KLRG1: variants seen among roughly 807,000 people sequenced by gnomAD.
KLRG1 encodes killer cell lectin like receptor G1, also known as killer cell lectin-like receptor subfamily G member 1.
KLRG1 carries 16 observed loss-of-function variants against 21.8 expected under a neutral mutation model. The ratio of observed to expected loss-of-function variants is 0.73; its 90% CI spans 0.50 to 1.11. The LOEUF is 1.11. Among genes scored for constraint, KLRG1 ranks in the 50% most tolerant of loss-of-function variants. The probability of loss-of-function intolerance (pLI) is 0.00; values close to 1 mark genes in which losing one functional copy is unlikely to be tolerated. For missense variants in KLRG1, 173 were observed against 218.3 expected (o/e 0.79, Z 1.31); for synonymous variants, 69 against 75.9 (o/e 0.91, Z 0.47).
At chr12:8,974,738 G>A (rs980853407) in intron 1 of KLRG1, among the ~76,000 whole-genome samples, 2 of 152,106 alleles carry the variant, frequency 1.3e-5, no homozygotes, top group African/African-American at 2.4e-5. Flanking sequence ...TGGTGCATGA[G>A]CCTTTTAATG....
At chr12:9,104,273 G>A in the KLRG1 span, 1 of 1,612,954 alleles carries the variant, frequency 6.2e-7, no homozygotes, top group Middle Eastern at 1.6e-4. Flanking sequence ...AACATTGGTG[G>A]TGTTGATAGA....
the KLRG1 span, among the ~76,000 whole-genome samples, chr12:9,062,700 TTATAA>T: frequency 2.7e-5 from 4 of 147,876 alleles, no homozygotes; most frequent in East Asian, 1.9e-4. Context: ...TATTGTACAT[TTATAA>T]TATATTTATT....
the KLRG1 span, chr12:9,162,772 T>C: frequency 1.4e-5 from 11 of 809,588 alleles, no homozygotes; most frequent in Non-Finnish European, 2.2e-5. Flanking sequence ...ACTCTTTTTT[T>C]CCCAACTTTT....
the KLRG1 span, chr12:9,074,598 T>A: frequency 1.2e-6 from 2 of 1,613,578 alleles, no homozygotes; most frequent in Non-Finnish European, 1.7e-6. Flanking sequence ...TTCTGCTGCT[T>A]CGTGATCCAC....
chr12:9,028,318 A>C, the KLRG1 span, among the ~76,000 whole-genome samples: 1 of 150,666 alleles, frequency 6.6e-6, no homozygotes, highest in Non-Finnish European at 1.5e-5. Context: ...GGCCTGGCTA[A>C]TTTTTGTGTT....
At chr12:9,020,337 G>A in the KLRG1 span, among the ~76,000 whole-genome samples, 1 of 152,144 alleles carries the variant, frequency 6.6e-6, no homozygotes, top group African/African-American at 2.4e-5. Context: ...ACCACAATCA[G>A]CAGAGTGAAT....
At chr12:8,967,989 A>T (rs749781354) in intron 1 of KLRG1, among the ~76,000 whole-genome samples, 3 of 151,978 alleles carry the variant, frequency 2.0e-5, no homozygotes, top group Admixed American at 2.0e-4. Context: ...GGAAGGAAGG[A>T]GGAGGGAGGG....
At chr12:9,176,028 A>G in the KLRG1 span, among the ~76,000 whole-genome samples, 1 of 152,210 alleles carries the variant, frequency 6.6e-6, no homozygotes, top group South Asian at 2.1e-4. Flanking sequence ...CTGCAGCACT[A>G]TTCACGATAG....
At chr12:9,095,659 A>G in the KLRG1 span, 1 of 1,608,904 alleles carries the variant, frequency 6.2e-7, no homozygotes, top group Non-Finnish European at 8.5e-7. Context: ...TCAAAGGCCC[A>G]GGGAAGCCAG....
the KLRG1 span, chr12:9,165,195 C>A: frequency 1.9e-6 from 3 of 1,614,116 alleles, no homozygotes; most frequent in Non-Finnish European, 2.5e-6. Flanking sequence ...AAGACCTCTC[C>A]ACGAATCACA....
chr12:9,157,114 T>C, the KLRG1 span: 1 of 1,516,382 alleles, frequency 6.6e-7, no homozygotes. Flanking sequence ...CAATGTGTGC[T>C]GTTCCCCTCC....
chr12:9,157,735 A>G, the KLRG1 span: 10 of 1,584,842 alleles, frequency 6.3e-6, no homozygotes, highest in Non-Finnish European at 8.7e-6. Flanking sequence ...TACAGTTTTC[A>G]TGGTAGGGAA....
the KLRG1 span, among the ~76,000 whole-genome samples, chr12:9,053,426 TG>T: frequency 6.6e-6 from 1 of 152,138 alleles, no homozygotes; most frequent in Non-Finnish European, 1.5e-5. Flanking sequence ...TGGCAATAAA[TG>T]ATGCAGGATG....
intron 3 of KLRG1, among the ~76,000 whole-genome samples, chr12:8,995,750 T>G (rs1342189708): frequency 6.6e-6 from 1 of 151,908 alleles, no homozygotes; most frequent in African/African-American, 2.4e-5. Context: ...TGGTGTGATC[T>G]TGGCTCACTC....
At chr12:9,115,919 C>G in the KLRG1 span, 11 of 1,317,934 alleles carry the variant, frequency 8.3e-6, no homozygotes, top group Admixed American at 5.1e-5. Context: ...CATCTGGTCC[C>G]AAACACTTCC....
the KLRG1 span, among the ~76,000 whole-genome samples, chr12:9,204,577 A>G: frequency 6.6e-6 from 1 of 152,186 alleles, no homozygotes; most frequent in African/African-American, 2.4e-5. Flanking sequence ...AGTCAAAGTC[A>G]ATATTTTATC....
At chr12:8,957,302 T>A (rs1347128008) in intron 1 of KLRG1, among the ~76,000 whole-genome samples, 1 of 152,230 alleles carries the variant, frequency 6.6e-6, no homozygotes, top group Non-Finnish European at 1.5e-5. Flanking sequence ...TCAATGAGAA[T>A]ATGTTTCTGT....
At chr12:8,966,379 A>G (rs1946472614) in intron 1 of KLRG1, among the ~76,000 whole-genome samples, 1 of 152,162 alleles carries the variant, frequency 6.6e-6, no homozygotes. Context: ...AGCAAAAGAA[A>G]CTATCATCAG....
At chr12:8,988,297 G>A (rs1015956676), upstream of KLRG1, 1 of 152,292 alleles carries the variant, frequency 6.6e-6, no homozygotes, top group African/African-American at 2.4e-5. Context: ...AAGCTAGGGT[G>A]ATCATTGCAC....
Sources: allele counts gnomAD v4.1 joint callset (sites outside exome capture counted in the v4.1 genomes callset), GRCh38; gene constraint gnomAD v4.1.1; transcripts MANE v1.5; gene names NCBI Gene and HGNC (gene_info 2026-07-23, HGNC 2026-07-21).